MAD1L1: variants seen among roughly 807,000 people sequenced by gnomAD.
The protein encoded by MAD1L1 is mitotic arrest deficient 1 like 1.
In MAD1L1, 95 loss-of-function variants were observed where a neutral mutation model predicts 96.9. That is an observed-to-expected ratio of 0.98 (90% CI 0.83 to 1.16). The LOEUF (loss-of-function observed/expected upper bound fraction) is 1.16, where lower values mean the gene tolerates loss of function less well. MAD1L1 is among the 50% of genes most tolerant of loss of function. The probability of loss-of-function intolerance (pLI) is 0.00; values close to 1 mark genes in which losing one functional copy is unlikely to be tolerated. For missense variants in MAD1L1, 1,007 were observed against 954.4 expected (o/e 1.06, Z -0.73); for synonymous variants, 473 against 396.6 (o/e 1.19, Z -2.29).
At chr7:2,000,237 T>A (rs2128492019) in intron 14 of MAD1L1, among the ~76,000 whole-genome samples, 1 of 152,154 alleles carries the variant, frequency 6.6e-6, no homozygotes, top group Middle Eastern at 3.4e-3. Flanking sequence ...CTACCTCACC[T>A]GCATCTCCCT....
At chr7:2,217,729 T>G (rs964027028) in intron 7 of MAD1L1, among the ~76,000 whole-genome samples, 2 of 152,230 alleles carry the variant, frequency 1.3e-5, no homozygotes, top group Non-Finnish European at 1.5e-5. Context: ...ACATTTTCTC[T>G]TGGTGTTTGT....
chr7:1,912,034 G>A (rs1314969497), intron 17 of MAD1L1, among the ~76,000 whole-genome samples: 1 of 152,252 alleles, frequency 6.6e-6, no homozygotes, highest in African/African-American at 2.4e-5. Context: ...GGGTCTGGGG[G>A]CTGACGGGAA....
intron 12 of MAD1L1, among the ~76,000 whole-genome samples, chr7:2,043,535 G>A (rs979041677): frequency 1.4e-4 from 22 of 152,260 alleles, no homozygotes; most frequent in Admixed American, 4.6e-4. Context: ...CGGAATGGGC[G>A]GGCTTGGGAA....
intron 14 of MAD1L1, among the ~76,000 whole-genome samples, chr7:1,997,824 TG>T (rs1243158096): frequency 6.6e-6 from 1 of 152,210 alleles, no homozygotes; most frequent in East Asian, 1.9e-4. Context: ...GGACCTCCTC[TG>T]AAGGGCTTTG....
At chr7:2,187,305 T>C (rs949218661) in intron 10 of MAD1L1, among the ~76,000 whole-genome samples, 1 of 152,032 alleles carries the variant, frequency 6.6e-6, no homozygotes, top group African/African-American at 2.4e-5. Context: ...ACCAAGATCA[T>C]GCCACTGTAC....
At chr7:1,996,916 C>A (rs1453742106) in intron 14 of MAD1L1, among the ~76,000 whole-genome samples, 1 of 150,864 alleles carries the variant, frequency 6.6e-6, no homozygotes, top group African/African-American at 2.4e-5. Flanking sequence ...AAGCTTCACT[C>A]CTCACTCCCC....
intron 16 of MAD1L1, among the ~76,000 whole-genome samples, chr7:1,957,401 G>C (rs1238791629): frequency 6.6e-6 from 1 of 152,252 alleles, no homozygotes; most frequent in Admixed American, 6.5e-5. Flanking sequence ...ACCGACACCA[G>C]GCGTGTGGGT....
In MAD1L1 at chr7:2,146,914, G is replaced by A. The variant is rs941601661; in HGVS notation, c.1073+2238C>T. ...AGAGCAGCAGCCCAGAGGCCAGAAC[G>A]CAAGCACCAAGGCCACGACGGGACT... On this transcript the variant is annotated intron_variant, in intron 11 of 18. Coordinates refer to ENST00000265854, the MANE Select transcript of MAD1L1 (RefSeq NM_001013836.2). The surrounding 1 kb of genome is among the most constrained non-coding windows in gnomAD (Gnocchi z 6.2). 9.9e-5 allele frequency among the ~76,000 whole-genome samples: 15 copies of A among 152,040 alleles called. No individual in the cohort carries two copies. Among genetic ancestry groups the A allele is most frequent in the African/African-American group, 9.7e-5 (4 of 41,384 alleles).
intron 12 of MAD1L1, among the ~76,000 whole-genome samples, chr7:2,024,454 G>C (rs1782914590): frequency 6.6e-6 from 1 of 152,118 alleles, no homozygotes; most frequent in African/African-American, 2.4e-5. Flanking sequence ...TTCCATTACT[G>C]CCTGAAACAG....
chr7:2,184,633 C>G (rs1156606167), intron 10 of MAD1L1, among the ~76,000 whole-genome samples: 1 of 152,194 alleles, frequency 6.6e-6, no homozygotes, highest in Non-Finnish European at 1.5e-5. Context: ...TCACAAGAGG[C>G]AGCTACTGGG....
At chr7:1,821,674 A>C (rs2128620696) in intron 18 of MAD1L1, among the ~76,000 whole-genome samples, 1 of 152,312 alleles carries the variant, frequency 6.6e-6, no homozygotes, top group Middle Eastern at 3.4e-3. Context: ...CAACAGGCTA[A>C]AGGAAGACAA....
At position 1,885,931 on chromosome 7, in the gene MAD1L1, G is replaced by A. The variant is rs145122055; in HGVS notation, c.1998+12269C>T. Among the ~76,000 whole-genome samples, 612 of 152,362 alleles carry A rather than the reference G, an allele frequency of 4.0e-3. 5 individuals are homozygous for A. The highest frequency in any genetic ancestry group is 0.013 in the African/African-American group (560 of 41,600). ...CCGGCATCTCTGGCCCCAGCCCTGG[G>A]GGCCACACGCCTGGCTTCCCATTCT... On this transcript the variant is annotated intron_variant, in intron 18 of 18. Transcript: ENST00000265854.
chr7:2,096,799 C>G (rs960192730), intron 11 of MAD1L1, among the ~76,000 whole-genome samples: 3 of 152,114 alleles, frequency 2.0e-5, no homozygotes, highest in Non-Finnish European at 4.4e-5. Context: ...CACCACCACC[C>G]CGCCCAGCAG....
chr7:2,115,108 C>T (rs781281913), intron 11 of MAD1L1, among the ~76,000 whole-genome samples: 4 of 152,370 alleles, frequency 2.6e-5, no homozygotes, highest in Middle Eastern at 3.4e-3. Context: ...CCCCAGAAGC[C>T]GGGGCCCACC....
chr7:1,850,163 C>T (rs934997204), intron 18 of MAD1L1, among the ~76,000 whole-genome samples: 4 of 152,144 alleles, frequency 2.6e-5, no homozygotes, highest in Non-Finnish European at 5.9e-5. Context: ...GCAGCGGCTT[C>T]CCCTGGACCT....
chr7:2,213,848 C>T (rs552811317), intron 9 of MAD1L1, among the ~76,000 whole-genome samples: 7 of 152,350 alleles, frequency 4.6e-5, no homozygotes, highest in Admixed American at 2.6e-4. Context: ...CATGCTGAGC[C>T]GCATCCCAAA....
chr7:2,201,324 C>G (rs984937131), intron 10 of MAD1L1, among the ~76,000 whole-genome samples: 1 of 152,152 alleles, frequency 6.6e-6, no homozygotes. Context: ...CCTACCAGCC[C>G]TGTCACAAAG....
intron 12 of MAD1L1, among the ~76,000 whole-genome samples, chr7:2,068,990 G>A (rs556362405): frequency 5.3e-5 from 8 of 152,120 alleles, no homozygotes; most frequent in East Asian, 3.9e-4. Context: ...GGTGGGGCAC[G>A]CAGCAGGCCC....
chr7:2,122,348 C>T (rs1326175877), intron 11 of MAD1L1, among the ~76,000 whole-genome samples: 1 of 152,220 alleles, frequency 6.6e-6, no homozygotes, highest in South Asian at 2.1e-4. Flanking sequence ...CAATCCCTGG[C>T]TGGGTGCAGT....
Sources: allele counts gnomAD v4.1 joint callset (sites outside exome capture counted in the v4.1 genomes callset), GRCh38; gene constraint gnomAD v4.1.1; non-coding constraint Gnocchi (gnomAD v3.1); transcripts MANE v1.5; gene names NCBI Gene and HGNC (gene_info 2026-07-23, HGNC 2026-07-21).